The following GALNT13 variants were observed in gnomAD, a reference collection of about 807,000 sequenced individuals.
GALNT13 encodes UDP-GalNAc:polypeptide N-acetylgalactosaminyltransferase 13.
A neutral mutation model predicts 64.2 loss-of-function variants in GALNT13; 28 were observed. The observed-to-expected ratio is 0.44, with a 90% CI of 0.32 to 0.60. GALNT13 has a LOEUF of 0.60. GALNT13 is among the 20% of genes least tolerant of loss of function. GALNT13 has a pLI of 0.05. For missense variants in GALNT13, 577 were observed against 669.8 expected (o/e 0.86, Z 1.53); for synonymous variants, 214 against 224.6 (o/e 0.95, Z 0.42).
the GALNT13 span, among the ~76,000 whole-genome samples, chr2:153,320,933 C>G: frequency 2.6e-5 from 4 of 152,230 alleles, no homozygotes; most frequent in South Asian, 2.1e-4. Context: ...AACCTCCCAC[C>G]TCATCAAATT....
chr2:153,616,576 AT>A, the GALNT13 span, among the ~76,000 whole-genome samples: 94 of 151,488 alleles, frequency 6.2e-4, no homozygotes, highest in African/African-American at 2.2e-3. Flanking sequence ...ATATTTTCCC[AT>A]TTTTTTTGTT....
chr2:153,651,079 C>T, the GALNT13 span, among the ~76,000 whole-genome samples: 12 of 152,102 alleles, frequency 7.9e-5, no homozygotes, highest in Non-Finnish European at 1.2e-4. Flanking sequence ...TACTGTACGG[C>T]ATTGTCCCTA....
intron 11 of GALNT13, among the ~76,000 whole-genome samples, chr2:154,422,041 C>A (rs980146822): frequency 2.0e-5 from 3 of 151,964 alleles, no homozygotes; most frequent in African/African-American, 7.2e-5. Flanking sequence ...GTAAGGACAG[C>A]AAGGACACTG....
At chr2:154,193,709 T>C (rs1686722366) in intron 4 of GALNT13, among the ~76,000 whole-genome samples, 1 of 152,184 alleles carries the variant, frequency 6.6e-6, no homozygotes. Context: ...AGAGTGAATG[T>C]CAAAAGTTTA....
the GALNT13 span, among the ~76,000 whole-genome samples, chr2:153,338,511 A>T: frequency 6.6e-6 from 1 of 152,186 alleles, no homozygotes; most frequent in African/African-American, 2.4e-5. Context: ...ATTAGAAATG[A>T]TATATACTTA....
At chr2:153,169,183 T>C in the GALNT13 span, among the ~76,000 whole-genome samples, 698 of 152,312 alleles carry the variant, frequency 4.6e-3, 4 homozygotes, top group African/African-American at 0.016. Flanking sequence ...CCTAGGTCAA[T>C]AGCATAATAA....
chr2:153,700,495 A>G, the GALNT13 span, among the ~76,000 whole-genome samples: 3 of 152,152 alleles, frequency 2.0e-5, no homozygotes, highest in Non-Finnish European at 2.9e-5. Context: ...TGGCCAAGGC[A>G]ATCAAGCAAG....
the GALNT13 span, among the ~76,000 whole-genome samples, chr2:153,358,976 A>T: frequency 0.015 from 2,257 of 152,324 alleles, 64 homozygotes; most frequent in African/African-American, 0.051. Flanking sequence ...CCTATTTTAT[A>T]CAAATGGTAT....
intron 3 of GALNT13, among the ~76,000 whole-genome samples, chr2:154,106,110 G>A (rs1702601801): frequency 6.6e-6 from 1 of 152,132 alleles, no homozygotes; most frequent in South Asian, 2.1e-4. Flanking sequence ...AGGTTTTGCA[G>A]TTATGTCCTC....
chr2:154,162,951 CT>C (rs932377985), intron 4 of GALNT13, among the ~76,000 whole-genome samples: 10 of 147,690 alleles, frequency 6.8e-5, no homozygotes, highest in Non-Finnish European at 7.5e-5. Context: ...AACCCACATT[CT>C]TTTTTTTTAT....
At chr2:153,955,396 T>C (rs1345732977) in intron 3 of GALNT13, among the ~76,000 whole-genome samples, 1 of 152,032 alleles carries the variant, frequency 6.6e-6, no homozygotes, top group African/African-American at 2.4e-5. Context: ...ATGTGAAAAT[T>C]GGAAGGGAAG....
chr2:153,673,588 C>T, the GALNT13 span, among the ~76,000 whole-genome samples: 1 of 151,798 alleles, frequency 6.6e-6, no homozygotes, highest in African/African-American at 2.4e-5. Flanking sequence ...TATGACAAAC[C>T]ACGCCAATAT....
At chr2:154,023,219 A>G (rs80299709) in intron 3 of GALNT13, among the ~76,000 whole-genome samples, 2 of 152,168 alleles carry the variant, frequency 1.3e-5, no homozygotes, top group Admixed American at 1.3e-4. Context: ...CACTTGGTGC[A>G]GAGCTGAGTT....
At chr2:154,334,387 A>T (rs1013116200) in intron 9 of GALNT13, among the ~76,000 whole-genome samples, 8 of 144,090 alleles carry the variant, frequency 5.6e-5, no homozygotes, top group Non-Finnish European at 7.9e-5. Context: ...TATATCTATG[A>T]AATCAATAGA....
chr2:153,234,478 G>A, the GALNT13 span, among the ~76,000 whole-genome samples: 1 of 152,126 alleles, frequency 6.6e-6, no homozygotes, highest in Admixed American at 6.5e-5. Flanking sequence ...AGAATGCCAT[G>A]TCACTGGAGT....
chr2:154,072,913 C>T (rs1480540282), intron 3 of GALNT13, among the ~76,000 whole-genome samples: 1 of 151,892 alleles, frequency 6.6e-6, no homozygotes, highest in African/African-American at 2.4e-5. Context: ...GATATGAAAA[C>T]ATTTTCATGA....
At chr2:153,464,685 A>G in the GALNT13 span, among the ~76,000 whole-genome samples, 12 of 152,182 alleles carry the variant, frequency 7.9e-5, no homozygotes, top group East Asian at 2.1e-3. Context: ...AGGTCACACC[A>G]TGTTGTAAAA....
the GALNT13 span, among the ~76,000 whole-genome samples, chr2:153,759,203 A>G: frequency 3.3e-5 from 5 of 151,752 alleles, no homozygotes; most frequent in East Asian, 1.9e-4. Context: ...TTTTTTTTGG[A>G]GTCTTTAGGT....
chr2:153,405,940 C>T, the GALNT13 span, among the ~76,000 whole-genome samples: 1 of 152,104 alleles, frequency 6.6e-6, no homozygotes, highest in Non-Finnish European at 1.5e-5. Flanking sequence ...GAGAGCGCTT[C>T]GTAGGGTTTC....
Sources: gnomAD v4.1 joint callset for allele counts (sites outside exome capture counted in the v4.1 genomes callset) on GRCh38, gnomAD v4.1.1 for gene constraint, MANE v1.5 for transcripts, NCBI Gene and HGNC (gene_info 2026-07-23, HGNC 2026-07-21) for gene names.